Variants in FUZ observed in about 807,000 individuals in gnomAD.
FUZ encodes protein fuzzy homolog.
FUZ carries 31 observed loss-of-function variants against 43.1 expected under a neutral mutation model. The ratio of observed to expected loss-of-function variants is 0.72; its 90% CI spans 0.54 to 0.97. The LOEUF is 0.97. Ranked by LOEUF, FUZ falls within the 50% of genes least tolerant of loss-of-function variation. The pLI, the probability that FUZ is intolerant of heterozygous loss-of-function variation, is 0.00. For synonymous variants in FUZ, 274 were observed against 250.0 expected (o/e 1.10, Z -0.91); for missense variants, 539 against 543.8 (o/e 0.99, Z 0.09).
chr19:49,809,756 T>C lies in FUZ; in HGVS notation c.493-181A>G. The C allele has an allele frequency of 1.5e-6, 1 of 647,908 alleles. No individual in the cohort carries two copies. Among genetic ancestry groups the C allele is most frequent in the Non-Finnish European group, 2.7e-6 (1 of 364,182 alleles). The allele number at this position is 647,908 out of a possible 1,614,324, so 40.1% of individuals were successfully genotyped here. ...TCCTTCACTTTCATACGAAGTCACA[T>C]CCCCAACTCACACTGTGAAGTCTGT... On this transcript the variant is annotated intron_variant, in intron 5 of 10. Transcript: ENST00000313777. This position sits in a 1 kb window ranked among gnomAD's most constrained non-coding sequence, Gnocchi z 5.1.
chr19:49,811,584 A>C (rs748537209), intron 4 of FUZ, 47 bp downstream of exon 4: 1 of 1,595,174 alleles, frequency 6.3e-7, no homozygotes, highest in Non-Finnish European at 8.6e-7. Context: ...CCCAAATGGC[A>C]GTGCCCAGGT....
intron 7 of FUZ, 144 bp from the exon 8 acceptor site, chr19:49,808,967 T>TG: frequency 2.3e-6 from 2 of 864,486 alleles, no homozygotes; most frequent in Admixed American, 2.0e-5. Flanking sequence ...CAGAAGGGAC[T>TG]GGGGAAGGGG....
chr19:49,811,100 G>A (rs756381577), intron 5 of FUZ: 4 of 527,442 alleles, frequency 7.6e-6, no homozygotes, highest in South Asian at 1.8e-5. Context: ...GCAGTGAGCC[G>A]AGATGGTGCC....
In FUZ at chr19:49,813,119, C is replaced by T; in HGVS notation, c.-13G>A. On this transcript the variant is annotated 5_prime_UTR_variant, in exon 1 of 11. It adds an upstream start codon to the 5' untranslated region. Coordinates refer to ENST00000313777, the MANE Select transcript of FUZ (RefSeq NM_025129.5). ...CCTCCTCCCCCATTTAGGACTCCCA[C>T]CGCGGTCCCTCACGTGGGGACTGTC... 1 of 1,547,368 alleles carries T rather than the reference C, an allele frequency of 6.5e-7. No homozygotes were observed. The highest frequency in any genetic ancestry group is 8.7e-7 in the Non-Finnish European group (1 of 1,143,506).
At position 49,809,663 on chromosome 19, in the gene FUZ, A is replaced by C. The variant is rs2073659172; in HGVS notation, c.493-88T>G. ...CCCAGATGGGCAGGGAATGGGGAGA[A>C]ACCCACAGCCAGCCCCGAGCTCGCG... On this transcript the variant is annotated intron_variant, in intron 5 of 10. Transcript: ENST00000313777. This position sits in a 1 kb window ranked among gnomAD's most constrained non-coding sequence, Gnocchi z 5.1. The C allele has an allele frequency of 2.2e-6, 3 of 1,376,290 alleles. No individual in the cohort carries two copies. 85.3% of individuals were successfully genotyped at this position (1,376,290 alleles called of 1,614,324 possible). A position where few individuals can be genotyped will look rare whatever the true frequency, so the allele number is the denominator to read the frequency against.
chr19:49,811,958 AT>A (rs1258324328), intron 3 of FUZ, among the ~76,000 whole-genome samples: 1 of 152,152 alleles, frequency 6.6e-6, no homozygotes, highest in Non-Finnish European at 1.5e-5. Context: ...AAATACAAAA[AT>A]TAGCTGGGCA....
In FUZ at chr19:49,811,621, G is replaced by A; in HGVS notation, c.387+10C>T. 1 of 1,613,630 alleles carries A rather than the reference G, an allele frequency of 6.2e-7. No homozygotes were observed. Among genetic ancestry groups the A allele is most frequent in the Non-Finnish European group, 8.5e-7 (1 of 1,179,536 alleles). ...TCCTAACTTCCCACCCTCATGTCCT[G>A]CAACCTCACCCTCAAGTCCTTCTTC... is the stretch of plus-strand genomic sequence containing the variant. On this transcript the variant is annotated intron_variant, in intron 4 of 10. Transcript: ENST00000313777.
intron 2 of FUZ, 97 bp from the exon 3 acceptor site, chr19:49,812,432 C>T (rs913119378): frequency 7.6e-7 from 1 of 1,319,464 alleles, no homozygotes; most frequent in African/African-American, 1.5e-5. Flanking sequence ...CAGATACATC[C>T]TCTCTCAGAC....
At position 49,812,239 on chromosome 19, in the gene FUZ, G is replaced by T. The variant is rs766026182; in HGVS notation, c.318+12C>A. 1.2e-6 allele frequency: 2 copies of T among 1,601,514 alleles called. No homozygotes were observed. Among genetic ancestry groups the T allele is most frequent in the Non-Finnish European group, 1.7e-6 (2 of 1,169,374 alleles). On this transcript the variant is annotated intron_variant, in intron 3 of 10. Coordinates refer to ENST00000313777, the MANE Select transcript of FUZ (RefSeq NM_025129.5). The stretch of plus-strand genomic sequence containing the variant: ...CCTGGTCTGGGGAGAAAAGAGGACT[G>T]GTGAGTCTCACCATGGCTCCAAACA...
intron 1 of FUZ, 115 bp from the exon 2 acceptor site, chr19:49,812,851 C>T (rs1331616260): frequency 2.8e-6 from 4 of 1,449,462 alleles, no homozygotes; most frequent in Middle Eastern, 1.7e-4. Flanking sequence ...GGCAGTGCCT[C>T]TTTGGGGAAC....
intron 10 of FUZ, among the ~76,000 whole-genome samples, chr19:49,807,836 G>A (rs1838002895): frequency 6.6e-6 from 1 of 152,180 alleles, no homozygotes; most frequent in Admixed American, 6.5e-5. Context: ...GGGCTTCACT[G>A]GGGTCACAGC....
chr19:49,811,327 GA>G (rs2073778634), intron 5 of FUZ, 35 bp downstream of exon 5: 1 of 1,429,000 alleles, frequency 7.0e-7, no homozygotes, highest in Admixed American at 1.9e-5. Context: ...AGGGCCAGCA[GA>G]ACAGGTGTAA....
chr19:49,812,307 C>T lies in FUZ; in HGVS notation c.262G>A (p.Val88Met), dbSNP rs1249864559. 4.3e-6 allele frequency: 7 copies of T among 1,613,908 alleles called. No homozygotes were observed. Among genetic ancestry groups the T allele is most frequent in the Non-Finnish European group, 5.9e-6 (7 of 1,179,972 alleles). ...TCCAGCCTCAGCTCAGAGATGCCCACCTCAGATGACAGAACAATGAGGGTG... is the reference window on the plus strand; with the variant it reads ...TCCAGCCTCAGCTCAGAGATGCCCATCTCAGATGACAGAACAATGAGGGTG... ...SITLIVLSSE[V>M]GISELRLERL... The change falls in exon 3 of 11, where the codon GTG becomes ATG. Residue 88 changes from valine (V) to methionine (M), a missense_variant. Physicochemically the swap from Val to Met is conservative, Grantham distance 21 (BLOSUM62 1). Coordinates refer to ENST00000313777, the MANE Select transcript of FUZ (RefSeq NM_025129.5).
At position 49,811,431 on chromosome 19, in the gene FUZ, A is replaced by T. The variant is rs767351327; in HGVS notation, c.424T>A (p.Ser142Thr). ...YCLIDSFLGDSELIGDLTQCV... is the reference protein window; with the variant it reads ...YCLIDSFLGDTELIGDLTQCV... ...TGGGTCAGGTCCCCGATGAGCTCCG[A>T]GTCCCCCAGGAAGCTGTCGATGAGG... is the stretch of plus-strand genomic sequence containing the variant. Residue 142 changes from serine (S) to threonine (T), a missense_variant, in exon 5 of 11, where the codon TCG becomes ACG. Coordinates refer to ENST00000313777, the MANE Select transcript of FUZ (RefSeq NM_025129.5). 1 of 1,614,042 alleles carries T rather than the reference A, an allele frequency of 6.2e-7. No homozygotes were observed. The highest frequency in any genetic ancestry group is 8.5e-7 in the Non-Finnish European group (1 of 1,179,948).
chr19:49,807,475 A>G, intron 10 of FUZ, 101 bp from the exon 11 acceptor site: 2 of 1,272,646 alleles, frequency 1.6e-6, no homozygotes, highest in Non-Finnish European at 2.2e-6. Flanking sequence ...GGGGTCTCTG[A>G]ACACAGGTTT....
In FUZ at chr19:49,813,254, T is replaced by C. The variant is rs2073878287; in HGVS notation, c.-148A>G. On this transcript the variant is annotated 5_prime_UTR_variant, in exon 1 of 11. Coordinates refer to ENST00000313777, the MANE Select transcript of FUZ (RefSeq NM_025129.5). Reference sequence around the variant, plus strand: ...GGAAGAGGATTAACTTCCCGCCTTCTTCACCCAACTCAAACAGACCCTCAA... The same window carrying C: ...GGAAGAGGATTAACTTCCCGCCTTCCTCACCCAACTCAAACAGACCCTCAA... 4 of 759,886 alleles carry C rather than the reference T, an allele frequency of 5.3e-6. No homozygotes were observed. Among genetic ancestry groups the C allele is most frequent in the Non-Finnish European group, 9.2e-6 (4 of 434,180 alleles). 47.1% of individuals were successfully genotyped at this position (759,886 alleles called of 1,614,324 possible).
At chr19:49,808,137 T>C in intron 10 of FUZ, 1 of 520,782 alleles carries the variant, frequency 1.9e-6, no homozygotes, top group Non-Finnish European at 3.5e-6. Flanking sequence ...AGTGATTTCA[T>C]TCTTTCATTA....
rs1344539368 is a variant in FUZ, at chr19:49,813,058, C to G, written c.49G>C (p.Ala17Pro). The part of the protein sequence containing the change: ...GGTVHLLCLA[A>P]SSGVPLFCRS... ...CAGAATAGGGGGACCCCGCTGGAGG[C>G]CGCGAGGCACAGCAGATGCACAGTG... is the stretch of plus-strand genomic sequence containing the variant. The change falls in exon 1 of 11, where the codon GCC (alanine) becomes CCC (proline). Residue 17 changes from alanine (A) to proline (P), a missense_variant. Coordinates refer to ENST00000313777, the MANE Select transcript of FUZ (RefSeq NM_025129.5). 1 of 1,551,326 alleles carries G rather than the reference C, an allele frequency of 6.4e-7. No homozygotes were observed. The highest frequency in any genetic ancestry group is 2.4e-5 in the East Asian group (1 of 40,926).
In FUZ at chr19:49,807,198, G is replaced by T; in HGVS notation, c.1210C>A (p.Arg404=). 1 of 1,613,388 alleles carries T rather than the reference G, an allele frequency of 6.2e-7. No homozygotes were observed. The highest frequency in any genetic ancestry group is 8.5e-7 in the Non-Finnish European group (1 of 1,179,858). The change falls in exon 11 of 11, where the codon CGA becomes AGA. Residue 404 remains arginine (R), a synonymous_variant. Coordinates refer to ENST00000313777, the MANE Select transcript of FUZ (RefSeq NM_025129.5). Reference sequence around the variant, plus strand: ...TGCAGAGTGTGGGTGGCCAGGCTTCGCAGCCCATGGGTGGGACTCTGGGGA... The same window carrying T: ...TGCAGAGTGTGGGTGGCCAGGCTTCTCAGCCCATGGGTGGGACTCTGGGGA... ...LSPQSPTHGL[R]SLATHTLHAL... is the part of the protein sequence containing the mutation.
Sources: allele counts gnomAD v4.1 joint callset (sites outside exome capture counted in the v4.1 genomes callset), GRCh38; gene constraint gnomAD v4.1.1; non-coding constraint Gnocchi (gnomAD v3.1); transcripts MANE v1.5; gene names NCBI Gene and HGNC (gene_info 2026-07-23, HGNC 2026-07-21).